LINGO1: variants seen among roughly 807,000 people sequenced by gnomAD.
LINGO1 encodes the protein leucine rich repeat and Ig domain containing 1.
In LINGO1, 11 loss-of-function variants were observed where a neutral mutation model predicts 37.3. The observed-to-expected ratio is 0.29, with a 90% confidence interval of 0.19 to 0.49. The LOEUF (loss-of-function observed/expected upper bound fraction) is 0.49, where lower values mean the gene tolerates loss of function less well. Ranked by LOEUF, LINGO1 falls within the 20% of genes least tolerant of loss-of-function variation. The probability of loss-of-function intolerance (pLI) is 0.99; values close to 1 mark genes in which losing one functional copy is unlikely to be tolerated. For missense variants in LINGO1, 585 were observed against 878.2 expected (o/e 0.67, Z 4.22); for synonymous variants, 387 against 403.0 (o/e 0.96, Z 0.48).
intron 1 of LINGO1, among the ~76,000 whole-genome samples, chr15:77,777,382 TAC>T (rs2076668666): frequency 4.1e-5 from 4 of 96,998 alleles, no homozygotes; most frequent in Non-Finnish European, 2.4e-5. Context: ...CACACACAAA[TAC>T]ACACACCACA....
chr15:77,663,500 G>C (rs747277011), intron 3 of LINGO1, among the ~76,000 whole-genome samples: 1 of 152,108 alleles, frequency 6.6e-6, no homozygotes, highest in African/African-American at 2.4e-5. Context: ...AACCACTCAG[G>C]GCTTTAGCTA....
intron 1 of LINGO1, among the ~76,000 whole-genome samples, chr15:77,803,913 A>G (rs144115679): frequency 1.4e-3 from 213 of 152,326 alleles, no homozygotes; most frequent in Non-Finnish European, 2.1e-3. Flanking sequence ...ACACAAGAAC[A>G]GCCTAATACA....
chr15:77,717,211 T>C (rs758754698), intron 2 of LINGO1, among the ~76,000 whole-genome samples: 2 of 150,850 alleles, frequency 1.3e-5, no homozygotes, highest in African/African-American at 4.8e-5. Context: ...TTTATTGCTC[T>C]GTCCTCAATC....
At chr15:77,716,138 T>C (rs536700458) in intron 2 of LINGO1, among the ~76,000 whole-genome samples, 3 of 151,304 alleles carry the variant, frequency 2.0e-5, no homozygotes, top group African/African-American at 4.8e-5. Flanking sequence ...TAAACTTCAG[T>C]GACTTCTCCA....
At chr15:77,655,182 G>A (rs575947729) in intron 3 of LINGO1, among the ~76,000 whole-genome samples, 2 of 152,162 alleles carry the variant, frequency 1.3e-5, no homozygotes, top group East Asian at 1.9e-4. Context: ...CTACAGGGTC[G>A]GGAGGGAACT....
intron 2 of LINGO1, among the ~76,000 whole-genome samples, chr15:77,726,908 C>G (rs915627242): frequency 3.9e-5 from 6 of 152,130 alleles, no homozygotes; most frequent in African/African-American, 1.4e-4. Flanking sequence ...CAAAAATAAT[C>G]CAATCAAAAA....
chr15:77,765,414 CAA>C (rs770527152), intron 1 of LINGO1, among the ~76,000 whole-genome samples: 11 of 108,496 alleles, frequency 1.0e-4, no homozygotes, highest in African/African-American at 1.9e-4. Flanking sequence ...GACTGTGTCT[CAA>C]AAAAAAAAAA....
intron 1 of LINGO1, among the ~76,000 whole-genome samples, chr15:77,695,630 G>T (rs1008172439): frequency 2.6e-5 from 4 of 152,224 alleles, no homozygotes; most frequent in Non-Finnish European, 5.9e-5. Context: ...CTGGGGCAGG[G>T]AAATGGGTTG....
At chr15:77,803,658 T>C (rs1555544520) in intron 1 of LINGO1, among the ~76,000 whole-genome samples, 1 of 151,868 alleles carries the variant, frequency 6.6e-6, no homozygotes, top group Non-Finnish European at 1.5e-5. Context: ...ATAGTTGAGT[T>C]CTCAACAGAT....
chr15:77,634,086 T>C (rs2074345339), upstream of LINGO1, among the ~76,000 whole-genome samples: 1 of 152,322 alleles, frequency 6.6e-6, no homozygotes, highest in South Asian at 2.1e-4. Flanking sequence ...GGAGGGGATC[T>C]AGCCCAAAGC....
At chr15:77,709,857 G>T (rs772244010) in intron 2 of LINGO1, among the ~76,000 whole-genome samples, 2 of 152,348 alleles carry the variant, frequency 1.3e-5, no homozygotes, top group East Asian at 1.9e-4. Flanking sequence ...ACACAGGGAA[G>T]GTGGGAGCCA....
intron 3 of LINGO1, among the ~76,000 whole-genome samples, chr15:77,675,954 T>C (rs1406600926): frequency 1.3e-5 from 2 of 152,216 alleles, no homozygotes; most frequent in Non-Finnish European, 2.9e-5. Context: ...TCCTGGTTCC[T>C]TTCACAGCTC....
rs545141960 is a variant in LINGO1, at chr15:77,800,561, C to T, written c.-457-4508G>A. Among the ~76,000 whole-genome samples the T allele has an allele frequency of 3.9e-5, 6 of 152,308 alleles. No homozygotes were observed. In the South Asian group the frequency reaches 1.2e-3, roughly 32 times the overall value. ...GCAGCTGCCGAGAGGAACAGACACACAGCTGGGAAGGAGCCTACAAACCAG... is the reference window on the plus strand; with the variant it reads ...GCAGCTGCCGAGAGGAACAGACACATAGCTGGGAAGGAGCCTACAAACCAG... On this transcript the variant is annotated intron_variant, in intron 1 of 5. Transcript: ENST00000562933.
At chr15:77,773,968 G>C (rs2141408331) in intron 1 of LINGO1, among the ~76,000 whole-genome samples, 1 of 152,176 alleles carries the variant, frequency 6.6e-6, no homozygotes, top group South Asian at 2.1e-4. Flanking sequence ...GGCTCCAAAG[G>C]GGACACTGGG....
chr15:77,747,141 C>A (rs529664654), intron 1 of LINGO1, among the ~76,000 whole-genome samples: 2 of 152,190 alleles, frequency 1.3e-5, no homozygotes, highest in African/African-American at 4.8e-5. Context: ...CCACCCTATC[C>A]GCAGGCCCAG....
chr15:77,731,065 T>C (rs1399395391), intron 2 of LINGO1, among the ~76,000 whole-genome samples: 1 of 152,222 alleles, frequency 6.6e-6, no homozygotes, highest in African/African-American at 2.4e-5. Context: ...TACTCATGCT[T>C]GGCATTCAAT....
chr15:77,694,988 C>A (rs1050204732), intron 1 of LINGO1, among the ~76,000 whole-genome samples: 1 of 149,824 alleles, frequency 6.7e-6, no homozygotes, highest in African/African-American at 2.5e-5. Flanking sequence ...ACTGAACACT[C>A]GGGATAATCT....
Position 77,615,146 on chromosome 15 carries a change from G to C in LINGO1, c.761C>G (p.Thr254Ser). Residue 254 changes from threonine to serine, a missense_variant, in exon 2 of 2, where the codon ACC becomes AGC. Physicochemically the swap from Thr to Ser is moderately conservative, Grantham distance 58. Transcript: ENST00000355300. ...GCCGTAGAGGCAGTTGGGTGTCATG[G>C]TGTCCAAGTAGGGCCAGTGGGAGAT... ...LEISHWPYLD[T>S]MTPNCLYGLN... The C allele has an allele frequency of 6.2e-7, 1 of 1,613,990 alleles. No homozygotes were observed. Among genetic ancestry groups the C allele is most frequent in the Non-Finnish European group, 8.5e-7 (1 of 1,179,900 alleles).
chr15:77,777,098 G>A (rs866714351), intron 1 of LINGO1, among the ~76,000 whole-genome samples: 3 of 152,302 alleles, frequency 2.0e-5, no homozygotes, highest in South Asian at 2.1e-4. Flanking sequence ...ATAGCACTAC[G>A]GGAGGAAGCT....
Sources: gnomAD v4.1 joint callset for allele counts (sites outside exome capture counted in the v4.1 genomes callset) on GRCh38, gnomAD v4.1.1 for gene constraint, MANE v1.5 for transcripts, NCBI Gene and HGNC (gene_info 2026-07-23, HGNC 2026-07-21) for gene names.